Variants in FNDC7 observed in about 807,000 individuals in gnomAD.
FNDC7 encodes fibronectin type III domain containing 7.
Under a neutral mutation model 74.2 loss-of-function variants are expected in FNDC7, and 66 were observed. That is an observed-to-expected ratio of 0.89 (90% CI 0.73 to 1.09). The LOEUF is 1.09. Ranked by LOEUF, FNDC7 falls within the 50% of genes least tolerant of loss-of-function variation. The probability of loss-of-function intolerance (pLI) is 0.00; values close to 1 mark genes in which losing one functional copy is unlikely to be tolerated. For synonymous variants in FNDC7, 307 were observed against 330.2 expected (o/e 0.93, Z 0.76); for missense variants, 829 against 893.4 (o/e 0.93, Z 0.92).
chr1:108,725,980 G>A lies in FNDC7; in HGVS notation c.1087G>A (p.Gly363Ser), dbSNP rs752774648. The A allele has an allele frequency of 2.2e-5, 35 of 1,614,080 alleles. No individual in the cohort carries two copies. The East Asian group carries it at 7.6e-4, about 35-fold the overall frequency. The change falls in exon 6 of 13, where the codon GGT (glycine) becomes AGT (serine). Residue 363 changes from glycine (G) to serine (S), a missense_variant. Transcript: ENST00000370017. ...TAACAAGGCAGGGCAAAGTCCTTTGGGTGACATATTCAATTATACCACAGG... is the reference window on the plus strand; with the variant it reads ...TAACAAGGCAGGGCAAAGTCCTTTGAGTGACATATTCAATTATACCACAGG... ...VYNKAGQSPL[G>S]DIFNYTTAPC...
chr1:108,741,737 G>A, intron 11 of FNDC7, 36 bp from the exon 12 acceptor site: 2 of 1,606,008 alleles, frequency 1.2e-6, no homozygotes, highest in South Asian at 1.1e-5. Context: ...CATATTGAAT[G>A]CATCTTTTAC....
At chr1:108,714,639 C>G (rs1387859586) in intron 2 of FNDC7, among the ~76,000 whole-genome samples, 1 of 116,330 alleles carries the variant, frequency 8.6e-6, no homozygotes, top group Non-Finnish European at 1.7e-5. Flanking sequence ...GACAGAGTCT[C>G]TGTCGCCCAG....
At chr1:108,739,821 T>C (rs1000256864) in intron 11 of FNDC7, among the ~76,000 whole-genome samples, 40 of 152,212 alleles carry the variant, frequency 2.6e-4, no homozygotes, top group Non-Finnish European at 4.6e-4. Flanking sequence ...CACCATTCCC[T>C]TCCTTAGCCA....
intron 2 of FNDC7, among the ~76,000 whole-genome samples, chr1:108,714,755 G>A (rs923473697): frequency 1.3e-5 from 2 of 151,654 alleles, no homozygotes; most frequent in Non-Finnish European, 2.9e-5. Flanking sequence ...ACAGGCACCC[G>A]CCACTACCCC....
chr1:108,724,324 G>GA (rs1661157287), intron 5 of FNDC7, among the ~76,000 whole-genome samples: 1 of 151,896 alleles, frequency 6.6e-6, no homozygotes, highest in Non-Finnish European at 1.5e-5. Flanking sequence ...GGTTTGTACT[G>GA]AGTTGTACAT....
At chr1:108,713,634 A>T (rs1660918103) in intron 2 of FNDC7, 105 bp downstream of exon 2, 2 of 1,049,850 alleles carry the variant, frequency 1.9e-6, no homozygotes, top group South Asian at 1.6e-5. Context: ...GAGAAAAAAA[A>T]ATTCAATATT....
intron 10 of FNDC7, among the ~76,000 whole-genome samples, chr1:108,736,049 C>T (rs1661506742): frequency 6.6e-6 from 1 of 152,164 alleles, no homozygotes; most frequent in African/African-American, 2.4e-5. Flanking sequence ...CTCAAGCAAT[C>T]CTCTCGCCGC....
At chr1:108,731,801 A>G (rs978592958) in intron 9 of FNDC7, among the ~76,000 whole-genome samples, 1 of 152,254 alleles carries the variant, frequency 6.6e-6, no homozygotes, top group Non-Finnish European at 1.5e-5. Context: ...CATTCAGAAC[A>G]TGCTGCACGT....
Position 108,727,961 on chromosome 1 carries a change from C to T in FNDC7, c.1265C>T (p.Thr422Ile). Residue 422 changes from threonine (T) to isoleucine (I), a missense_variant, in exon 7 of 13, where the codon ACC (threonine) becomes ATC (isoleucine). Physicochemically the swap from Thr to Ile is moderately conservative, Grantham distance 89. Transcript: ENST00000370017. ...VECNDTTPAC[T>I]LSALECDTKY... ...TGCAATGACACTACTCCTGCGTGCA[C>T]CCTTTCGGCTCTAGAGTGTGACACC... 1 of 1,614,156 alleles carries T rather than the reference C, an allele frequency of 6.2e-7. No homozygotes were observed. The highest frequency in any genetic ancestry group is 1.1e-5 in the South Asian group (1 of 91,082).
Position 108,719,234 on chromosome 1 carries a change from T to C in FNDC7, c.598+185T>C, listed in dbSNP as rs150073843. 1.9e-4 allele frequency among the ~76,000 whole-genome samples: 29 copies of C among 152,328 alleles called. No individual in the cohort carries two copies. The South Asian group carries it at 5.8e-3, about 30-fold the overall frequency. The stretch of plus-strand genomic sequence containing the variant: ...CCTCCTCGGTAGTTTAAACGCTTCC[T>C]GCATGGATAAAGAAATGCTACTCAG... On this transcript the variant is annotated intron_variant, in intron 4 of 12. Transcript: ENST00000370017.
chr1:108,721,167 T>C (rs1017902522), intron 4 of FNDC7, among the ~76,000 whole-genome samples: 1 of 152,164 alleles, frequency 6.6e-6, no homozygotes, highest in East Asian at 1.9e-4. Flanking sequence ...TAGGTCCTCA[T>C]GTCCTCAAAG....
intron 10 of FNDC7, chr1:108,734,729 A>G (rs755749827): frequency 2.6e-5 from 4 of 152,188 alleles, no homozygotes; most frequent in Non-Finnish European, 5.9e-5. Flanking sequence ...GCATAGCCCT[A>G]TGGGAAGGGA....
At chr1:108,728,533 T>C in intron 7 of FNDC7, 99 bp from the exon 8 acceptor site, 1 of 1,426,392 alleles carries the variant, frequency 7.0e-7, no homozygotes, top group Non-Finnish European at 9.7e-7. Flanking sequence ...GGTTGAAAAC[T>C]GTGATGATCT....
chr1:108,722,934 T>A (rs553331547), intron 5 of FNDC7, among the ~76,000 whole-genome samples: 5 of 152,284 alleles, frequency 3.3e-5, no homozygotes, highest in Admixed American at 2.6e-4. Context: ...TAACTGCGTC[T>A]TCTTTGCGTC....
chr1:108,731,568 A>G (rs1052797010), intron 9 of FNDC7, among the ~76,000 whole-genome samples: 1 of 152,220 alleles, frequency 6.6e-6, no homozygotes, highest in Non-Finnish European at 1.5e-5. Flanking sequence ...GTACAATGAT[A>G]AGTTACCTCT....
At chr1:108,726,135 T>C in intron 6 of FNDC7, 131 bp downstream of exon 6, 8 of 1,137,152 alleles carry the variant, frequency 7.0e-6, no homozygotes, top group Non-Finnish European at 1.0e-5. Flanking sequence ...AAGTAATCTC[T>C]TATCTCACAT....
chr1:108,727,839 G>T lies in FNDC7; in HGVS notation c.1143G>T (p.Val381=), dbSNP rs1408416449. ...APCCPSDINP[V]LVSSDRVEIV... ...GTTGTCCTAGTGACATTAACCCCGT[G>T]TTGGTGTCCAGTGACAGAGTTGAGA... Residue 381 remains valine, a synonymous_variant, in exon 7 of 13, where the codon GTG becomes GTT. Coordinates refer to ENST00000370017, the MANE Select transcript of FNDC7 (RefSeq NM_001144937.3). The T allele has an allele frequency of 6.2e-7, 1 of 1,614,186 alleles. No individual in the cohort carries two copies. Among genetic ancestry groups the T allele is most frequent in the Non-Finnish European group, 8.5e-7 (1 of 1,180,038 alleles).
chr1:108,737,257 C>A (rs754713865), intron 10 of FNDC7, among the ~76,000 whole-genome samples: 8 of 152,190 alleles, frequency 5.3e-5, no homozygotes, highest in Non-Finnish European at 1.0e-4. Context: ...AGGTGTGAGT[C>A]ACTGCGCCCA....
At chr1:108,728,601 C>G (rs1240502901) in intron 7 of FNDC7, 31 bp from the exon 8 acceptor site, 2 of 1,609,990 alleles carry the variant, frequency 1.2e-6, no homozygotes, top group Non-Finnish European at 1.7e-6. Context: ...TTGACTCATG[C>G]TGGTTCAATT....
Sources: gnomAD v4.1 joint callset for allele counts (sites outside exome capture counted in the v4.1 genomes callset) on GRCh38, gnomAD v4.1.1 for gene constraint, MANE v1.5 for transcripts, NCBI Gene and HGNC (gene_info 2026-07-23, HGNC 2026-07-21) for gene names.